Variants in ENOX2 observed in about 807,000 individuals in gnomAD.
ENOX2 encodes the protein ecto-NOX disulfide-thiol exchanger 2.
In ENOX2, 36 loss-of-function variants were observed where a neutral mutation model predicts 45.0. The ratio of observed to expected loss-of-function variants is 0.80; its 90% CI spans 0.61 to 1.06. The LOEUF (loss-of-function observed/expected upper bound fraction) is 1.06. Among genes scored for constraint, ENOX2 ranks in the 50% least tolerant of loss-of-function variants. The pLI, the probability that ENOX2 is intolerant of heterozygous loss-of-function variation, is 0.00. For synonymous variants in ENOX2, 174 were observed against 152.3 expected (o/e 1.14, Z -1.05); for missense variants, 423 against 462.5 (o/e 0.91, Z 0.78).
chrX:130,776,214 A>AT (rs752429970), intron 3 of ENOX2, among the ~76,000 whole-genome samples: 3 of 111,617 alleles, frequency 2.7e-5, no homozygotes, highest in Non-Finnish European at 5.7e-5. Context: ...CCTAAAACTG[A>AT]TTTTTTTTCC....
intron 2 of ENOX2, among the ~76,000 whole-genome samples, chrX:130,895,218 A>G (rs186899761): frequency 9.8e-5 from 11 of 111,983 alleles, no homozygotes; most frequent in Non-Finnish European, 1.9e-4. Context: ...AATGAGTTTG[A>G]ACATCAAGTA....
chrX:130,633,075 C>T (rs2035824869), intron 12 of ENOX2, among the ~76,000 whole-genome samples: 1 of 111,865 alleles, frequency 8.9e-6, no homozygotes, highest in South Asian at 3.8e-4. Flanking sequence ...TTATAGCTGG[C>T]ATTTAAAAAA....
intron 2 of ENOX2, among the ~76,000 whole-genome samples, chrX:130,868,286 A>G (rs1169637774): frequency 2.7e-5 from 3 of 112,172 alleles, no homozygotes; most frequent in Admixed American, 1.9e-4. Flanking sequence ...CAATCAATAA[A>G]TGAATAAACA....
At chrX:130,832,418 TAC>T (rs753016634) in intron 2 of ENOX2, among the ~76,000 whole-genome samples, 884 of 73,422 alleles carry the variant, frequency 0.012, 5 homozygotes, top group South Asian at 0.023. Context: ...GATATTCCCT[TAC>T]ACACACACAC....
intron 2 of ENOX2, among the ~76,000 whole-genome samples, chrX:130,867,185 C>A (rs1259849880): frequency 9.0e-6 from 1 of 111,344 alleles, no homozygotes; most frequent in African/African-American, 3.3e-5. Context: ...TATTAGAAGG[C>A]AGGTGGATTC....
chrX:130,691,959 A>G (rs1443180807), intron 4 of ENOX2, among the ~76,000 whole-genome samples: 3 of 113,335 alleles, frequency 2.6e-5, no homozygotes, highest in Non-Finnish European at 3.7e-5. Flanking sequence ...TTAATATTTT[A>G]TAAATTCATT....
intron 3 of ENOX2, among the ~76,000 whole-genome samples, chrX:130,745,423 T>C (rs765215945): frequency 8.9e-6 from 1 of 112,201 alleles, no homozygotes; most frequent in Non-Finnish European, 1.9e-5. Context: ...GATGCTTGTC[T>C]TGAAAAAAAA....
chrX:130,689,037 GAAC>G lies in ENOX2; in HGVS notation c.98-22_98-20del. On this transcript the variant is annotated intron_variant, in intron 4 of 14. Transcript: ENST00000394363. ...TCAAAGTCTAAAAAAGGAGAAGAGAGAACAATAAATGACACCAGGCAAAGTTAA... is the reference window on the plus strand; with the variant it reads ...TCAAAGTCTAAAAAAGGAGAAGAGAGAATAAATGACACCAGGCAAAGTTAA... 1.7e-6 allele frequency: 2 copies of G among 1,187,491 alleles called. No homozygotes were observed. Among genetic ancestry groups the G allele is most frequent in the Admixed American group, 4.5e-5 (2 of 44,799 alleles).
chrX:130,648,654 G>A (rs1174700229), intron 10 of ENOX2, among the ~76,000 whole-genome samples: 3 of 110,235 alleles, frequency 2.7e-5, no homozygotes, highest in African/African-American at 9.9e-5. Context: ...ATGTGGTGGT[G>A]TTGGGCCTAG....
At chrX:130,882,032 C>A (rs1346160046) in intron 2 of ENOX2, among the ~76,000 whole-genome samples, 2 of 111,631 alleles carry the variant, frequency 1.8e-5, no homozygotes, top group African/African-American at 6.5e-5. Flanking sequence ...AGAACTCAGT[C>A]TATTGGGGGA....
Position 130,625,311 on chromosome X carries a change from G to T in ENOX2, c.*3C>A, listed in dbSNP as rs373047179. 1 of 1,208,289 alleles carries T rather than the reference G, an allele frequency of 8.3e-7. No homozygotes were observed. Among genetic ancestry groups the T allele is most frequent in the Non-Finnish European group, 1.1e-6 (1 of 894,390 alleles). On this transcript the variant is annotated 3_prime_UTR_variant, in exon 15 of 15. Transcript: ENST00000394363. ...AGGATCCCAAGTTGTTAGGCAAAGA[G>T]ATTTAGGTCAGCTTCAAGCCCTCGA...
At chrX:130,704,894 T>G (rs921094355) in intron 3 of ENOX2, among the ~76,000 whole-genome samples, 1 of 111,950 alleles carries the variant, frequency 8.9e-6, no homozygotes, top group Non-Finnish European at 1.9e-5. Context: ...GTAGGAACTT[T>G]AGTAGTTATA....
intron 2 of ENOX2, among the ~76,000 whole-genome samples, chrX:130,824,907 A>G (rs1392147951): frequency 9.0e-6 from 1 of 111,355 alleles, no homozygotes; most frequent in African/African-American, 3.3e-5. Context: ...ACCCCCATGA[A>G]CTATCTGTGG....
intron 2 of ENOX2, among the ~76,000 whole-genome samples, chrX:130,802,082 CT>C (rs1196760944): frequency 1.8e-5 from 2 of 111,914 alleles, no homozygotes; most frequent in Admixed American, 1.9e-4. Context: ...CCACATGCCC[CT>C]CCAGACATAT....
intron 2 of ENOX2, among the ~76,000 whole-genome samples, chrX:130,871,703 G>C (rs750009893): frequency 9.0e-6 from 1 of 110,953 alleles, no homozygotes; most frequent in East Asian, 2.8e-4. Context: ...AAAGCATTTT[G>C]AAAGTCCCTC....
intron 6 of ENOX2, among the ~76,000 whole-genome samples, chrX:130,674,464 A>G (rs1018701991): frequency 3.6e-5 from 4 of 110,946 alleles, no homozygotes; most frequent in Non-Finnish European, 7.6e-5. Flanking sequence ...GGAAGAGAAC[A>G]GAAAAAAATT....
intron 4 of ENOX2, among the ~76,000 whole-genome samples, chrX:130,695,902 C>T (rs2037746257): frequency 9.0e-6 from 1 of 111,628 alleles, no homozygotes; most frequent in African/African-American, 3.3e-5. Context: ...GAAGAGAGAA[C>T]ACAGATTTCC....
At chrX:130,669,924 A>G (rs1387392393) in intron 7 of ENOX2, 41 bp downstream of exon 7, 1 of 971,641 alleles carries the variant, frequency 1.0e-6, no homozygotes, top group Admixed American at 2.2e-5. Context: ...TCTCTAAAGA[A>G]AAGAGTTCTT....
chrX:130,653,226 A>T (rs1276354630), intron 10 of ENOX2, among the ~76,000 whole-genome samples: 1 of 111,315 alleles, frequency 9.0e-6, no homozygotes, highest in African/African-American at 3.3e-5. Context: ...TCTTGCCTTC[A>T]CTCCGGTCCC....
Sources: gnomAD v4.1 joint callset for allele counts (sites outside exome capture counted in the v4.1 genomes callset) on GRCh38, gnomAD v4.1.1 for gene constraint, MANE v1.5 for transcripts, NCBI Gene and HGNC (gene_info 2026-07-23, HGNC 2026-07-21) for gene names.